Variants in DRC4 observed in about 807,000 individuals in gnomAD.
The protein encoded by DRC4 is dynein regulatory complex subunit 4.
the DRC4 span, chr16:90,037,612 C>A: frequency 7.3e-6 from 7 of 956,334 alleles, no homozygotes; most frequent in East Asian, 1.4e-4. Context: ...GTGCTACCGG[C>A]CGGCCTTGGT....
the DRC4 span, chr16:90,043,565 C>T: frequency 3.7e-5 from 22 of 599,340 alleles, no homozygotes; most frequent in South Asian, 1.1e-4. Flanking sequence ...GGGTGCCGCA[C>T]GTCCAGCCTG....
At chr16:90,029,019 G>A in the DRC4 span, 1 of 1,305,472 alleles carries the variant, frequency 7.7e-7, no homozygotes, top group South Asian at 1.2e-5. Flanking sequence ...GATGTCTGGA[G>A]CTGCTGGATG....
chr16:90,044,099 G>A, the DRC4 span: 9 of 448,418 alleles, frequency 2.0e-5, no homozygotes, highest in Admixed American at 1.9e-4. Context: ...CTGGGATGGG[G>A]TGAACCTTCC....
the DRC4 span, among the ~76,000 whole-genome samples, chr16:90,023,188 G>A: frequency 1.3e-5 from 2 of 152,160 alleles, no homozygotes; most frequent in African/African-American, 4.8e-5. Flanking sequence ...TGGAGAGCCT[G>A]GGGCACACCA....
At chr16:90,022,705 G>T in the DRC4 span, 3 of 1,425,032 alleles carry the variant, frequency 2.1e-6, no homozygotes, top group South Asian at 2.7e-5. Context: ...TCGCCGCTGG[G>T]CCTGTCCGCT....
chr16:90,029,873 C>T, the DRC4 span: 2 of 160,196 alleles, frequency 1.2e-5, no homozygotes, highest in Admixed American at 6.3e-5. Context: ...CCTGCTGCTT[C>T]AGGCTGCCCA....
the DRC4 span, chr16:90,040,183 G>C: frequency 1.0e-6 from 1 of 958,814 alleles, no homozygotes; most frequent in Admixed American, 2.0e-5. Context: ...TGTGGGAGTG[G>C]GCACTGTTGG....
chr16:90,021,509 C>A, the DRC4 span, among the ~76,000 whole-genome samples: 1 of 151,652 alleles, frequency 6.6e-6, no homozygotes, highest in Non-Finnish European at 1.5e-5. Context: ...ACCTCCACCT[C>A]CAGGGCTCAA....
At chr16:90,024,944 G>A in the DRC4 span, among the ~76,000 whole-genome samples, 1 of 152,046 alleles carries the variant, frequency 6.6e-6, no homozygotes, top group Non-Finnish European at 1.5e-5. Context: ...CTTGGACCAA[G>A]GAATATGGGT....
At chr16:90,023,350 C>T in the DRC4 span, among the ~76,000 whole-genome samples, 1 of 152,134 alleles carries the variant, frequency 6.6e-6, no homozygotes, top group African/African-American at 2.4e-5. Context: ...AGGCGGAGCT[C>T]GTGGCCTCAT....
chr16:90,037,303 C>T, the DRC4 span: 4 of 1,614,036 alleles, frequency 2.5e-6, no homozygotes, highest in Non-Finnish European at 3.4e-6. Flanking sequence ...CTGGGCAGAA[C>T]AAGCGCCTGG....
At chr16:90,032,620 GT>G in the DRC4 span, 2 of 1,061,820 alleles carry the variant, frequency 1.9e-6, no homozygotes, top group Non-Finnish European at 2.9e-6. Context: ...GTGAGGAGGT[GT>G]GGTACAGGTG....
the DRC4 span, among the ~76,000 whole-genome samples, chr16:90,023,146 A>C: frequency 6.6e-6 from 1 of 152,178 alleles, no homozygotes; most frequent in Admixed American, 6.5e-5. Context: ...AGCCGGAGGC[A>C]GGAATTACCC....
the DRC4 span, chr16:90,037,496 G>C: frequency 7.3e-7 from 1 of 1,370,572 alleles, no homozygotes; most frequent in East Asian, 2.4e-5. Flanking sequence ...CCTTAGGGCA[G>C]GAAGGGAGAC....
the DRC4 span, chr16:90,036,466 G>A: frequency 1.2e-6 from 2 of 1,614,004 alleles, no homozygotes; most frequent in Non-Finnish European, 1.7e-6. Flanking sequence ...ACGAAGTGGA[G>A]GAGAGGAAGA....
chr16:90,020,086 G>C, the DRC4 span: 3 of 641,568 alleles, frequency 4.7e-6, no homozygotes, highest in Non-Finnish European at 8.5e-6. Context: ...CTGCTTCTCT[G>C]TCCTCATTCA....
the DRC4 span, chr16:90,043,039 C>G: frequency 6.3e-6 from 5 of 787,464 alleles, no homozygotes; most frequent in South Asian, 9.6e-5. Flanking sequence ...AGTGAAGGTG[C>G]TTGGAGCTGT....
At chr16:90,029,076 C>G in the DRC4 span, 2 of 1,252,726 alleles carry the variant, frequency 1.6e-6, no homozygotes, top group Non-Finnish European at 2.1e-6. Flanking sequence ...AGCTGCTGCC[C>G]GTCTCCCTGT....
the DRC4 span, chr16:90,032,625 A>G: frequency 6.2e-6 from 7 of 1,123,630 alleles, no homozygotes; most frequent in East Asian, 1.2e-4. Flanking sequence ...GAGGTGTGGT[A>G]CAGGTGTGCT....
Sources: gnomAD v4.1 joint callset for allele counts (sites outside exome capture counted in the v4.1 genomes callset) on GRCh38, gnomAD v4.1.1 for gene constraint, MANE v1.5 for transcripts, NCBI Gene and HGNC (gene_info 2026-07-23, HGNC 2026-07-21) for gene names.